The following CRTAC1 variants were observed in gnomAD, a reference collection of about 807,000 sequenced individuals.
CRTAC1 encodes acidic secreted protein in cartilage.
In CRTAC1, 37 loss-of-function variants were observed where a neutral mutation model predicts 67.8. That is an observed-to-expected ratio of 0.55 (90% confidence interval 0.42 to 0.72). The LOEUF (loss-of-function observed/expected upper bound fraction) is 0.72. CRTAC1 is among the 30% of genes least tolerant of loss of function. The pLI is 0.00. For missense variants in CRTAC1, 780 were observed against 931.6 expected (o/e 0.84, Z 2.12); for synonymous variants, 348 against 371.0 (o/e 0.94, Z 0.71).
intron 2 of CRTAC1, among the ~76,000 whole-genome samples, chr10:97,997,367 C>T (rs1001802412): frequency 8.3e-5 from 12 of 145,100 alleles, no homozygotes; most frequent in African/African-American, 1.5e-4. Flanking sequence ...GCAGGAGAAA[C>T]GCTTGAACCT....
intron 5 of CRTAC1, among the ~76,000 whole-genome samples, chr10:97,909,847 A>G (rs1053179688): frequency 2.6e-5 from 4 of 152,208 alleles, no homozygotes; most frequent in Non-Finnish European, 5.9e-5. Context: ...AAAACGTGAT[A>G]TATATACATA....
At chr10:97,968,894 G>T (rs932060027) in intron 2 of CRTAC1, among the ~76,000 whole-genome samples, 3 of 152,176 alleles carry the variant, frequency 2.0e-5, no homozygotes, top group African/African-American at 7.2e-5. Context: ...CAAAGATTTT[G>T]AGCCAGTACA....
chr10:97,911,451 C>G (rs1208383137), intron 5 of CRTAC1, among the ~76,000 whole-genome samples: 1 of 152,216 alleles, frequency 6.6e-6, no homozygotes, highest in Non-Finnish European at 1.5e-5. Flanking sequence ...GCCATGGCAA[C>G]CGGACCATAA....
Position 97,917,636 on chromosome 10 carries a change from G to A in CRTAC1, c.579C>T (p.Ile193=), listed in dbSNP as rs1256940993. Residue 193 remains isoleucine, a synonymous_variant, in exon 5 of 15, where the codon ATC becomes ATT. Coordinates refer to ENST00000370597, the MANE Select transcript of CRTAC1 (RefSeq NM_018058.7). ...VDRKGSGRYS[I]YIANYAYGNV... ...TACCGTAGGCGTAATTGGCAATGTA[G>A]ATAGAGTAGCGTCCAGAGCCCTGAG... 1.3e-6 allele frequency: 2 copies of A among 1,588,682 alleles called. No homozygotes were observed. Among genetic ancestry groups the A allele is most frequent in the Non-Finnish European group, 1.7e-6 (2 of 1,164,154 alleles).
intron 5 of CRTAC1, among the ~76,000 whole-genome samples, chr10:97,909,558 T>C (rs572409374): frequency 1.3e-5 from 2 of 152,230 alleles, no homozygotes; most frequent in East Asian, 3.9e-4. Flanking sequence ...AGACTACATG[T>C]GTTGGCAAGG....
chr10:98,014,637 C>T (rs1373174072), intron 1 of CRTAC1, among the ~76,000 whole-genome samples: 1 of 152,132 alleles, frequency 6.6e-6, no homozygotes, highest in Non-Finnish European at 1.5e-5. Flanking sequence ...AACAACCTGA[C>T]TCAAAACAAA....
At chr10:97,989,177 A>G (rs905391995) in intron 2 of CRTAC1, among the ~76,000 whole-genome samples, 3 of 151,996 alleles carry the variant, frequency 2.0e-5, no homozygotes, top group Admixed American at 6.6e-5. Flanking sequence ...GCTTTTCTGA[A>G]CCTTTTGCTT....
chr10:98,021,853 C>T (rs1417814505), intron 1 of CRTAC1, among the ~76,000 whole-genome samples: 2 of 152,190 alleles, frequency 1.3e-5, no homozygotes, highest in African/African-American at 4.8e-5. Context: ...CTAGGGGACC[C>T]TGATGGAGTT....
intron 2 of CRTAC1, among the ~76,000 whole-genome samples, chr10:97,965,749 T>C (rs1023727526): frequency 7.2e-5 from 11 of 152,370 alleles, no homozygotes; most frequent in Admixed American, 7.2e-4. Context: ...GTGACAGGCC[T>C]GCTTTTCCCT....
At chr10:97,982,298 G>C (rs1287101181) in intron 2 of CRTAC1, among the ~76,000 whole-genome samples, 1 of 152,200 alleles carries the variant, frequency 6.6e-6, no homozygotes, top group Admixed American at 6.5e-5. Context: ...GACCCTTCAA[G>C]GTCAACACAA....
intron 2 of CRTAC1, among the ~76,000 whole-genome samples, chr10:97,987,066 C>G (rs185753271): frequency 6.6e-6 from 1 of 152,192 alleles, no homozygotes; most frequent in African/African-American, 2.4e-5. Flanking sequence ...GAAGAAATGC[C>G]AAAACAGAGT....
chr10:97,917,752 C>T (rs2050780324), intron 4 of CRTAC1, 96 bp from the exon 5 acceptor site: 2 of 1,043,984 alleles, frequency 1.9e-6, no homozygotes, highest in Admixed American at 6.0e-5. Context: ...AGCTCTTTCA[C>T]AGGGTTGGGT....
At chr10:97,955,286 G>T (rs1358290237) in intron 2 of CRTAC1, among the ~76,000 whole-genome samples, 1 of 152,252 alleles carries the variant, frequency 6.6e-6, no homozygotes, top group Non-Finnish European at 1.5e-5. Flanking sequence ...GGGAGAAAGA[G>T]ACGGGCTCTG....
Position 97,908,001 on chromosome 10 carries a change from G to A in CRTAC1, c.850+12C>T. ...GGGTCAGGGTGCACAGGGCATGGCTGCCTCCACTCACCAGCACTGGCCGCA... is the reference window on the plus strand; with the variant it reads ...GGGTCAGGGTGCACAGGGCATGGCTACCTCCACTCACCAGCACTGGCCGCA... On this transcript the variant is annotated intron_variant, in intron 6 of 14. Transcript: ENST00000370597. 1 of 1,613,910 alleles carries A rather than the reference G, an allele frequency of 6.2e-7. No homozygotes were observed. Among genetic ancestry groups the A allele is most frequent in the Non-Finnish European group, 8.5e-7 (1 of 1,179,888 alleles).
intron 1 of CRTAC1, among the ~76,000 whole-genome samples, chr10:98,022,078 G>A (rs930277191): frequency 5.3e-5 from 8 of 152,132 alleles, no homozygotes; most frequent in East Asian, 1.9e-4. Context: ...AAAGTAGGCC[G>A]GGTACGGTGG....
At chr10:97,919,167 G>T (rs1030012515) in intron 4 of CRTAC1, among the ~76,000 whole-genome samples, 2 of 152,112 alleles carry the variant, frequency 1.3e-5, no homozygotes, top group African/African-American at 4.8e-5. Context: ...GGTGGGTGAG[G>T]CCAAGGAGGG....
chr10:97,925,652 T>C (rs1306972390), intron 3 of CRTAC1, among the ~76,000 whole-genome samples: 8 of 99,042 alleles, frequency 8.1e-5, no homozygotes, highest in Admixed American at 2.5e-4. Context: ...AGAATGAGTG[T>C]GGGCATGAGT....
intron 2 of CRTAC1, among the ~76,000 whole-genome samples, chr10:97,969,164 T>C (rs1236092588): frequency 6.6e-6 from 1 of 152,192 alleles, no homozygotes; most frequent in Non-Finnish European, 1.5e-5. Context: ...AGGCACCTTT[T>C]TTGGCCAACG....
intron 2 of CRTAC1, among the ~76,000 whole-genome samples, chr10:97,941,547 C>T (rs1043194968): frequency 3.3e-5 from 5 of 152,140 alleles, no homozygotes; most frequent in African/African-American, 1.2e-4. Flanking sequence ...AGTGGAGCTA[C>T]TGACCACTCC....
Sources: gnomAD v4.1 joint callset for allele counts (sites outside exome capture counted in the v4.1 genomes callset) on GRCh38, gnomAD v4.1.1 for gene constraint, MANE v1.5 for transcripts, NCBI Gene and HGNC (gene_info 2026-07-23, HGNC 2026-07-21) for gene names.